The following IFI44 variants were observed in gnomAD, a reference collection of about 807,000 sequenced individuals.
IFI44 encodes the protein interferon-induced protein 44.
A neutral mutation model predicts 45.0 loss-of-function variants in IFI44; 42 were observed. The observed-to-expected ratio is 0.93, with a 90% confidence interval of 0.73 to 1.21. The LOEUF (loss-of-function observed/expected upper bound fraction) is 1.21, where lower values mean the gene tolerates loss of function less well. Ranked by LOEUF, IFI44 falls within the 50% of genes most tolerant of loss-of-function variation. The pLI, the probability that IFI44 is intolerant of heterozygous loss-of-function variation, is 0.00. For missense variants in IFI44, 623 were observed against 525.8 expected, an observed-to-expected ratio of 1.18 and a Z score of -1.81; for synonymous variants, 221 against 188.6, an observed-to-expected ratio of 1.17 and a Z score of -1.41.
rs372409962 is a variant in IFI44 at position 78,655,451 on chromosome 1, C to T, written c.780C>T (p.Gly260=). 9.0e-5 allele frequency: 146 copies of T among 1,613,750 alleles called. No individual in the cohort carries two copies. The highest frequency in any genetic ancestry group is 4.5e-4 in the East Asian group (20 of 44,856). Residue 260 remains glycine, a synonymous_variant, in exon 5 of 9, where the codon GGC becomes GGT. Transcript: ENST00000370747. ...CDSLGLSEKE[G]GLCRDDIFYI... ...CACTGGGGCTGAGTGAGAAAGAAGG[C>T]GGCCTGTGCAGGGATGACATATTCT... is the stretch of plus-strand genomic sequence containing the variant.
Position 78,663,914 on chromosome 1 carries a change from G to T in IFI44, c.*103G>T. 1 of 1,028,518 alleles carries T rather than the reference G, an allele frequency of 9.7e-7. No individual in the cohort carries two copies. The highest frequency in any genetic ancestry group is 1.4e-6 in the Non-Finnish European group (1 of 712,298). 63.7% of individuals were successfully genotyped at this position (1,028,518 alleles called of 1,614,324 possible). A position where few individuals can be genotyped will look rare whatever the true frequency, so the allele number is the denominator to read the frequency against. ...GAAGTATCTAAGACCAAAGGGATGTGTTTTATTAATGTCTAGGATGAAGAA... is the reference window on the plus strand; with the variant it reads ...GAAGTATCTAAGACCAAAGGGATGTTTTTTATTAATGTCTAGGATGAAGAA... On this transcript the variant is annotated 3_prime_UTR_variant, in exon 9 of 9. Coordinates refer to ENST00000370747, the MANE Select transcript of IFI44 (RefSeq NM_006417.5).
intron 7 of IFI44, among the ~76,000 whole-genome samples, chr1:78,661,460 A>G (rs1647448233): frequency 6.6e-6 from 1 of 152,160 alleles, no homozygotes; most frequent in Non-Finnish European, 1.5e-5. Flanking sequence ...GACATGGGTA[A>G]GTTCATTTAT....
At chr1:78,663,698 T>G (rs957061811) in intron 8 of IFI44, 67 bp from the exon 9 acceptor site, 2 of 1,587,336 alleles carry the variant, frequency 1.3e-6, no homozygotes, top group Non-Finnish European at 1.7e-6. Flanking sequence ...TGGTCCAATA[T>G]TCCTCTTCCC....
chr1:78,661,749 G>T (rs369751018), intron 7 of IFI44, among the ~76,000 whole-genome samples: 2 of 152,122 alleles, frequency 1.3e-5, no homozygotes, highest in African/African-American at 2.4e-5. Context: ...GTGTTAAAGG[G>T]GTTCGGGGAG....
At position 78,650,625 on chromosome 1, in the gene IFI44, C is replaced by A; in HGVS notation, c.430C>A (p.Gln144Lys). The change falls in exon 2 of 9, where the codon CAG (glutamine) becomes AAG (lysine). Residue 144 changes from glutamine (Q) to lysine (K), a missense_variant. Transcript: ENST00000370747. The part of the protein sequence containing the change: ...GLAQNCTISI[Q>K]DYEVFRCEDS... ...TGCTCAAAATTGTACTATCTCTATT[C>A]AGGATTATGAAGTTTTTCGATGCGA... The A allele has an allele frequency of 6.3e-7, 1 of 1,598,490 alleles. No homozygotes were observed. The highest frequency in any genetic ancestry group is 8.5e-7 in the Non-Finnish European group (1 of 1,173,894).
chr1:78,661,355 A>G (rs1009203542), intron 7 of IFI44, among the ~76,000 whole-genome samples: 5 of 151,842 alleles, frequency 3.3e-5, no homozygotes, highest in Admixed American at 3.3e-4. Flanking sequence ...GAGTCCCTAT[A>G]CCCAGCCATT....
At chr1:78,657,973 T>C (rs778533479) in intron 5 of IFI44, among the ~76,000 whole-genome samples, 3 of 152,108 alleles carry the variant, frequency 2.0e-5, no homozygotes, top group Admixed American at 6.6e-5. Context: ...AAACAGCTAT[T>C]TCTTCAAGTA....
In IFI44 at chr1:78,650,302, G is replaced by A. The variant is rs150869933; in HGVS notation, c.107G>A (p.Arg36His). The A allele has an allele frequency of 1.3e-4, 212 of 1,614,010 alleles. No homozygotes were observed. Among genetic ancestry groups the A allele is most frequent in the South Asian group, 1.5e-4 (14 of 91,076 alleles). Residue 36 changes from arginine to histidine, a missense_variant, in exon 2 of 9, where the codon CGT (arginine) becomes CAT (histidine). Transcript: ENST00000370747. ...LLYKGSVHGFRNGVLLDRCCN... is the reference protein window; with the variant it reads ...LLYKGSVHGFHNGVLLDRCCN... ...TATAAGGGTAGTGTCCATGGATTCC[G>A]TAATGGAGTTTTGCTTGACAGATGT...
chr1:78,650,257 G>A lies in IFI44; in HGVS notation c.62G>A (p.Gly21Glu). 1 of 1,612,012 alleles carries A rather than the reference G, an allele frequency of 6.2e-7. No homozygotes were observed. Among genetic ancestry groups the A allele is most frequent in the Non-Finnish European group, 8.5e-7 (1 of 1,178,320 alleles). Residue 21 changes from glycine (G) to glutamate (E), a missense_variant, in exon 2 of 9, where the codon GGG becomes GAG. Transcript: ENST00000370747. ...AAGATCCTGCAAAATCATTTTGGAG[G>A]GAAGCGGCTTAGCCTTCTCTATAAG... ...HEKILQNHFGGKRLSLLYKGS... is the reference protein window; with the variant it reads ...HEKILQNHFGEKRLSLLYKGS...
Position 78,650,527 on chromosome 1 carries a change from C to A in IFI44, c.332C>A (p.Pro111Gln), listed in dbSNP as rs2100426823. 6 of 1,613,362 alleles carry A rather than the reference C, an allele frequency of 3.7e-6. No homozygotes were observed. Among genetic ancestry groups the A allele is most frequent in the Non-Finnish European group, 4.2e-6 (5 of 1,179,392 alleles). Residue 111 changes from proline (P) to glutamine (Q), a missense_variant, in exon 2 of 9, where the codon CCA (proline) becomes CAA (glutamine). Transcript: ENST00000370747. Reference sequence around the variant, plus strand: ...TGTGATGTTACAAAATATAACTCCCCAACTAATTTCCAGATAGATGGAAGA... The same window carrying A: ...TGTGATGTTACAAAATATAACTCCCAAACTAATTTCCAGATAGATGGAAGA... ...FCCDVTKYNS[P>Q]TNFQIDGRNR...
chr1:78,650,681 A>G (rs769440900), intron 2 of IFI44, 29 bp downstream of exon 2: 4 of 1,404,554 alleles, frequency 2.8e-6, no homozygotes, highest in Non-Finnish European at 3.9e-6. Context: ...TCCTGTAGAG[A>G]GTTCTCCCTT....
intron 4 of IFI44, 44 bp from the exon 5 acceptor site, chr1:78,655,318 T>A: frequency 1.3e-6 from 2 of 1,562,948 alleles, no homozygotes; most frequent in Non-Finnish European, 1.7e-6. Context: ...TCTCAATTTA[T>A]AATAAAAAAT....
intron 2 of IFI44, among the ~76,000 whole-genome samples, chr1:78,654,041 C>T (rs138374198): frequency 1.3e-5 from 2 of 152,240 alleles, no homozygotes; most frequent in African/African-American, 2.4e-5. Flanking sequence ...ACCTCTAGCC[C>T]TAGCCTCTTC....
intron 2 of IFI44, among the ~76,000 whole-genome samples, chr1:78,652,365 G>A (rs560621586): frequency 1.9e-4 from 29 of 152,340 alleles, no homozygotes; most frequent in African/African-American, 7.0e-4. Flanking sequence ...ACAGGCGTGA[G>A]CCACCGTGCC....
chr1:78,654,256 A>G lies in IFI44; in HGVS notation c.471A>G (p.Glu157=). 1.3e-6 allele frequency: 2 copies of G among 1,494,132 alleles called. No individual in the cohort carries two copies. The highest frequency in any genetic ancestry group is 1.9e-6 in the Non-Finnish European group (2 of 1,072,558). The allele number at this position is 1,494,132 out of a possible 1,614,324, so 92.6% of individuals were successfully genotyped here. Residue 157 remains glutamate (E), a synonymous_variant, in exon 3 of 9, where the codon GAA becomes GAG. Transcript: ENST00000370747. The part of the protein sequence containing the change: ...EVFRCEDSLD[E]RKIKGVIELR... The stretch of plus-strand genomic sequence containing the variant: ...TTATTTCCCCAGATTCACTGGATGA[A>G]AGAAAGATAAAAGGGGTCATTGAGT...
At chr1:78,656,792 A>G (rs933195097) in intron 5 of IFI44, among the ~76,000 whole-genome samples, 2 of 147,226 alleles carry the variant, frequency 1.4e-5, no homozygotes, top group Admixed American at 6.8e-5. Context: ...AAACACAGCA[A>G]GTTTTGTTTT....
intron 7 of IFI44, 84 bp downstream of exon 7, chr1:78,660,738 G>C (rs758886519): frequency 1.1e-6 from 1 of 909,904 alleles, no homozygotes; most frequent in South Asian, 1.3e-5. Context: ...ATAAAAACAA[G>C]CAGCTACTGG....
chr1:78,663,609 C>G, intron 8 of IFI44, 156 bp from the exon 9 acceptor site: 3 of 985,368 alleles, frequency 3.0e-6, no homozygotes, highest in Non-Finnish European at 3.6e-6. Context: ...TGCTCTAACT[C>G]TGCCATCTTG....
intron 8 of IFI44, 136 bp downstream of exon 8, chr1:78,663,014 A>C: frequency 6.7e-7 from 1 of 1,493,878 alleles, no homozygotes; most frequent in South Asian, 1.4e-5. Context: ...TTTTTAACCC[A>C]CTCCCTGGAT....
Sources: allele counts gnomAD v4.1 joint callset (sites outside exome capture counted in the v4.1 genomes callset), GRCh38; gene constraint gnomAD v4.1.1; transcripts MANE v1.5; gene names NCBI Gene and HGNC (gene_info 2026-07-23, HGNC 2026-07-21).